MYO15B: variants seen among roughly 807,000 people sequenced by gnomAD.
MYO15B encodes myosin XVB pseudogene.
In MYO15B, 207 loss-of-function variants were observed where a neutral mutation model predicts 119.3. That is an observed-to-expected ratio of 1.73 (90% CI 1.55 to 1.95). The LOEUF (loss-of-function observed/expected upper bound fraction) is 1.95. Among genes scored for constraint, MYO15B ranks in the 30% most tolerant of loss-of-function variants. MYO15B has a pLI of 0.00. For synonymous variants in MYO15B, 966 were observed against 498.9 expected, an observed-to-expected ratio of 1.94 and a Z score of -12.48; for missense variants, 2,264 against 1,203.1, an observed-to-expected ratio of 1.88 and a Z score of -13.04.
At chr17:75,601,612 C>G (rs1391291832) in intron 15 of MYO15B, 49 bp downstream of exon 15, 16 of 687,736 alleles carry the variant, frequency 2.3e-5, no homozygotes, top group South Asian at 2.3e-4. Flanking sequence ...GGGCAGTGTC[C>G]CCTCCCAAGC....
chr17:75,609,926 A>T (rs917247372), intron 21 of MYO15B, among the ~76,000 whole-genome samples: 2 of 151,846 alleles, frequency 1.3e-5, no homozygotes, highest in Non-Finnish European at 2.9e-5. Flanking sequence ...CCTGACCTCA[A>T]GTGATCCACC....
At chr17:75,593,220 A>G (rs820248) in intron 9 of MYO15B, among the ~76,000 whole-genome samples, 5 of 127,324 alleles carry the variant, frequency 3.9e-5, no homozygotes, top group African/African-American at 6.4e-5. Context: ...AAAAAAAAAA[A>G]GGGTTGGCGG....
chr17:75,623,664 T>A, intron 53 of MYO15B, 117 bp from the exon 54 acceptor site: 2 of 652,928 alleles, frequency 3.1e-6, no homozygotes, highest in Non-Finnish European at 2.8e-6. Context: ...TGTCTTAAGC[T>A]GAGAGAGACA....
chr17:75,604,135 G>T (rs545970025), intron 19 of MYO15B, among the ~76,000 whole-genome samples: 65 of 152,278 alleles, frequency 4.3e-4, no homozygotes, highest in African/African-American at 1.4e-3. Flanking sequence ...GTCAGATCCT[G>T]AGAAGCTCCA....
chr17:75,600,939 T>C (rs1367956613), intron 14 of MYO15B, among the ~76,000 whole-genome samples: 1 of 141,010 alleles, frequency 7.1e-6, no homozygotes, highest in Non-Finnish European at 1.5e-5. Flanking sequence ...AGTCTCGCAC[T>C]GTCACCCAGG....
At chr17:75,609,184 T>C (rs1327653121) in intron 21 of MYO15B, among the ~76,000 whole-genome samples, 1 of 151,962 alleles carries the variant, frequency 6.6e-6, no homozygotes, top group East Asian at 1.9e-4. Context: ...ACCAGTGGTG[T>C]TACTTTTTAA....
chr17:75,622,590 T>C (rs2058771587), intron 53 of MYO15B, among the ~76,000 whole-genome samples: 1 of 152,180 alleles, frequency 6.6e-6, no homozygotes, highest in Non-Finnish European at 1.5e-5. Context: ...ACCAGAGGAT[T>C]CTGGAGAGAG....
chr17:75,600,117 C>G (rs1022205969), intron 14 of MYO15B, among the ~76,000 whole-genome samples: 5 of 147,988 alleles, frequency 3.4e-5, no homozygotes, highest in African/African-American at 1.0e-4. Flanking sequence ...AACTCCGCCT[C>G]TCGGGTTCAC....
exon 58 of MYO15B, chr17:75,624,629 C>T (rs1386993376): frequency 2.8e-6 from 2 of 702,926 alleles, no homozygotes; most frequent in East Asian, 5.4e-5. Context: ...TCTTCCTCAT[C>T]AAAGAGAAGA....
At chr17:75,622,106 G>A in intron 53 of MYO15B, 26 bp downstream of exon 53, 1 of 702,592 alleles carries the variant, frequency 1.4e-6, no homozygotes, top group South Asian at 1.5e-5. Flanking sequence ...GCGACCCCCA[G>A]CGCCTGTGCC....
rs1464545059 is a variant in MYO15B at position 75,616,964 on chromosome 17, G to C, written c.6594+3G>C. ...ACGGTGCCCACTCGTCCCCGCCGGT[G>C]AGCACCCCAGCCTGTCTCCCCCAGA... On this transcript the variant is annotated splice_donor_region_variant and intron_variant, in intron 40 of 63. Transcript: ENST00000645453. The C allele has an allele frequency of 1.4e-6, 1 of 702,904 alleles. No homozygotes were observed. Among genetic ancestry groups the C allele is most frequent in the African/African-American group, 1.7e-5 (1 of 57,400 alleles). 43.5% of individuals were successfully genotyped at this position (702,904 alleles called of 1,614,324 possible).
chr17:75,616,853 A>T, intron 39 of MYO15B, 21 bp from the exon 40 acceptor site: 1 of 702,928 alleles, frequency 1.4e-6, no homozygotes. Flanking sequence ...GAACTTAGTG[A>T]CCTCTTGCTT....
exon 64 of MYO15B, chr17:75,626,439 G>C (rs2059073771): frequency 4.3e-6 from 3 of 703,180 alleles, no homozygotes; most frequent in Non-Finnish European, 7.8e-6. Context: ...CTGTCTTCCT[G>C]ATAGACAGCA....
chr17:75,625,377 C>T (rs1598952333), intron 60 of MYO15B, 139 bp downstream of exon 60: 6 of 643,122 alleles, frequency 9.3e-6, no homozygotes, highest in East Asian at 8.2e-5. Context: ...CACCCCACCC[C>T]GAGCTCCTCT....
chr17:75,625,170 A>G lies in MYO15B; in HGVS notation c.8736A>G (p.Ala2912=), dbSNP rs1411680235. 4.3e-6 allele frequency: 3 copies of G among 702,360 alleles called. No homozygotes were observed. The East Asian group carries it at 8.0e-5, about 19-fold the overall frequency. 43.5% of individuals were successfully genotyped at this position (702,360 alleles called of 1,614,324 possible). A position where few individuals can be genotyped will look rare whatever the true frequency, so the allele number is the denominator to read the frequency against. Residue 2912 remains alanine, a synonymous_variant, in exon 60 of 64, where the codon GCA becomes GCG. Coordinates refer to ENST00000645453, the Ensembl canonical transcript of MYO15B. The stretch of plus-strand genomic sequence containing the variant: ...GGAAGCTGCCAGTCAGCGCCAAGGC[A>G]GACGCGCAGCTCGCCAGGCTGGCCG...
At chr17:75,606,281 C>CT (rs2057644252) in intron 21 of MYO15B, among the ~76,000 whole-genome samples, 1 of 152,008 alleles carries the variant, frequency 6.6e-6, no homozygotes, top group African/African-American at 2.4e-5. Context: ...TTATCATTCT[C>CT]TTTTCTGGTC....
exon 33 of MYO15B, chr17:75,614,964 C>T: frequency 1.4e-6 from 1 of 703,102 alleles, no homozygotes; most frequent in Non-Finnish European, 2.6e-6. Flanking sequence ...CCTTTAGGAT[C>T]TGGAACAAAG....
intron 53 of MYO15B, among the ~76,000 whole-genome samples, chr17:75,623,330 T>A (rs2058815446): frequency 6.9e-6 from 1 of 145,236 alleles, no homozygotes; most frequent in South Asian, 2.2e-4. Flanking sequence ...CTCAAAAAAA[T>A]AAAAAATAAA....
At chr17:75,596,589 G>T (rs770813247) in intron 13 of MYO15B, 34 bp downstream of exon 13, 17 of 701,974 alleles carry the variant, frequency 2.4e-5, no homozygotes, top group Non-Finnish European at 2.9e-5. Context: ...GGCAGGGGCC[G>T]CTCAGGCATT....
Sources: allele counts gnomAD v4.1 joint callset (sites outside exome capture counted in the v4.1 genomes callset), GRCh38; gene constraint gnomAD v4.1.1; transcripts MANE v1.5; gene names NCBI Gene and HGNC (gene_info 2026-07-23, HGNC 2026-07-21).